PICALM: variants seen among roughly 807,000 people sequenced by gnomAD.
The protein encoded by PICALM is phosphatidylinositol-binding clathrin assembly protein.
A neutral mutation model predicts 80.5 loss-of-function variants in PICALM; 40 were observed. That is an observed-to-expected ratio of 0.50 (90% CI 0.39 to 0.65). PICALM has a LOEUF of 0.65. Ranked by LOEUF, PICALM falls within the 30% of genes least tolerant of loss-of-function variation. The pLI is 0.00. For missense variants in PICALM, 676 were observed against 778.9 expected (o/e 0.87, Z 1.57); for synonymous variants, 288 against 260.3 (o/e 1.11, Z -1.02).
chr11:86,052,819 C>T (rs1022021788), intron 1 of PICALM, among the ~76,000 whole-genome samples: 4 of 152,270 alleles, frequency 2.6e-5, no homozygotes, highest in Admixed American at 1.3e-4. Flanking sequence ...ACAATTGCTC[C>T]GACTGTATTT....
intron 13 of PICALM, 105 bp downstream of exon 13, chr11:85,990,145 A>G: frequency 3.4e-6 from 2 of 582,208 alleles, no homozygotes. Context: ...TGATATTAAA[A>G]TCTAAAGTAA....
rs488134 is a variant in PICALM, at chr11:85,990,579, T to C, written c.1259-180A>G. 0.82 allele frequency among the ~76,000 whole-genome samples: 125,415 copies of C among 152,174 alleles called. 51,950 individuals are homozygous for C. Among genetic ancestry groups the C allele is most frequent in the African/African-American group, 0.91 (37,669 of 41,516 alleles). ...ATCAAGATAGAAGAATTGCATTTAA[T>C]ATATTTTTAAGTGAATCCTTAGAAA... is the stretch of plus-strand genomic sequence containing the variant. On this transcript the variant is annotated intron_variant, in intron 12 of 19. Coordinates refer to ENST00000393346, the MANE Select transcript of PICALM (RefSeq NM_007166.4).
chr11:86,067,058 A>G (rs2096457898), intron 1 of PICALM, among the ~76,000 whole-genome samples: 1 of 152,250 alleles, frequency 6.6e-6, no homozygotes, highest in Admixed American at 6.5e-5. Flanking sequence ...TTTTTTATTT[A>G]AAACTTTTTT....
intron 11 of PICALM, among the ~76,000 whole-genome samples, chr11:86,000,269 T>G (rs1050190897): frequency 6.6e-6 from 1 of 152,208 alleles, no homozygotes; most frequent in Non-Finnish European, 1.5e-5. Context: ...ACGTTTAATA[T>G]CTAATGAAAT....
At chr11:86,067,611 TA>T (rs1438633273) in intron 1 of PICALM, among the ~76,000 whole-genome samples, 6 of 152,188 alleles carry the variant, frequency 3.9e-5, no homozygotes, top group Admixed American at 2.0e-4. Flanking sequence ...CTGGCATAAT[TA>T]AAACATCCAA....
intron 18 of PICALM, among the ~76,000 whole-genome samples, chr11:85,976,171 G>C (rs1168114409): frequency 3.3e-5 from 5 of 152,120 alleles, no homozygotes; most frequent in Non-Finnish European, 7.4e-5. Context: ...GTGGCATTTT[G>C]AAAGGTTAAA....
intron 17 of PICALM, chr11:85,978,808 T>C (rs2094354797): frequency 6.6e-6 from 1 of 152,212 alleles, no homozygotes; most frequent in South Asian, 2.1e-4. Context: ...GTGCTATCTA[T>C]GAACTCCTAA....
chr11:86,018,751 T>C (rs916866937), intron 4 of PICALM, among the ~76,000 whole-genome samples: 1 of 152,072 alleles, frequency 6.6e-6, no homozygotes, highest in African/African-American at 2.4e-5. Context: ...TAGCTGGGCA[T>C]TGTGGCGGGC....
intron 1 of PICALM, among the ~76,000 whole-genome samples, chr11:86,057,268 G>T (rs1200856370): frequency 6.6e-6 from 1 of 152,198 alleles, no homozygotes; most frequent in African/African-American, 2.4e-5. Flanking sequence ...GCCAGGCGCG[G>T]TGGCTCACGC....
chr11:85,984,387 T>C (rs2094522186), intron 13 of PICALM, among the ~76,000 whole-genome samples: 1 of 152,150 alleles, frequency 6.6e-6, no homozygotes, highest in African/African-American at 2.4e-5. Flanking sequence ...AAACTTCTAG[T>C]AGCCCCAAGA....
In PICALM at chr11:86,068,726, C is replaced by A; in HGVS notation, c.55G>T (p.Gly19Cys). 6.2e-7 allele frequency: 1 copy of A among 1,613,084 alleles called. No homozygotes were observed. The highest frequency in any genetic ancestry group is 8.5e-7 in the Non-Finnish European group (1 of 1,179,798). ...CATACTGTCTTGGATACGGCAGAGC[C>A]GGTGACACTGTGCTGGGCGGCAGTG... is the stretch of plus-strand genomic sequence containing the variant. ...RITAAQHSVTGSAVSKTVCKA... is the reference protein window; with the variant it reads ...RITAAQHSVTCSAVSKTVCKA... The change falls in exon 1 of 20, where the codon GGC becomes TGC. Residue 19 changes from glycine (G) to cysteine (C), a missense_variant. By Grantham distance (159) the Gly-to-Cys change is radical. This residue lies in a region of PICALM where 285 missense variants were observed against 395.4 expected (regional missense o/e 0.72). Coordinates refer to ENST00000393346, the MANE Select transcript of PICALM (RefSeq NM_007166.4).
intron 1 of PICALM, among the ~76,000 whole-genome samples, chr11:86,038,537 C>G (rs11234522): frequency 0.029 from 4,357 of 151,902 alleles, 220 homozygotes; most frequent in African/African-American, 0.1. Context: ...AATCCCAGCA[C>G]TTTGGGAGAC....
intron 19 of PICALM, among the ~76,000 whole-genome samples, chr11:85,965,849 C>A (rs962370084): frequency 1.6e-5 from 2 of 125,346 alleles, no homozygotes; most frequent in Non-Finnish European, 1.6e-5. Context: ...GAGACAGACT[C>A]TCTGTCGCCC....
intron 19 of PICALM, among the ~76,000 whole-genome samples, chr11:85,970,245 A>G (rs1450311678): frequency 6.6e-6 from 1 of 152,194 alleles, no homozygotes; most frequent in Non-Finnish European, 1.5e-5. Flanking sequence ...CAGAATAAGG[A>G]AAAGAATTCC....
At chr11:86,031,264 T>C (rs770863235) in intron 2 of PICALM, among the ~76,000 whole-genome samples, 6 of 152,220 alleles carry the variant, frequency 3.9e-5, no homozygotes, top group Non-Finnish European at 8.8e-5. Flanking sequence ...TCTTGATCCA[T>C]TATTGATGTC....
chr11:86,058,738 A>C lies in PICALM; in HGVS notation c.130+9913T>G, dbSNP rs149322152. Among the ~76,000 whole-genome samples, 487 of 152,222 alleles carry C rather than the reference A, an allele frequency of 3.2e-3. 4 individuals carry two copies. The highest frequency in any genetic ancestry group is 0.011 in the South Asian group (51 of 4,826). On this transcript the variant is annotated intron_variant, in intron 1 of 19. Coordinates refer to ENST00000393346, the MANE Select transcript of PICALM (RefSeq NM_007166.4). ...TGATATCATCTGTTAAGTGTGCTTT[A>C]TCCCTTCTTATATCAAAAATGAGTC...
At position 85,957,212 on chromosome 11, in the gene PICALM, A is replaced by G. The variant is rs2093562191; in HGVS notation, c.*1834T>C. 6.6e-6 allele frequency among the ~76,000 whole-genome samples: 1 copy of G among 152,172 alleles called. No individual in the cohort carries two copies. The highest frequency in any genetic ancestry group is 2.1e-4 in the South Asian group (1 of 4,832). On this transcript the variant is annotated 3_prime_UTR_variant, in exon 20 of 20. Transcript: ENST00000393346. ...TGGTTTAATAATACTGAAACTTAAA[A>G]GCTGATAAAATTTATTGGCTACGAC...
chr11:86,064,891 T>A (rs1320292704), intron 1 of PICALM, among the ~76,000 whole-genome samples: 1 of 151,628 alleles, frequency 6.6e-6, no homozygotes, highest in Non-Finnish European at 1.5e-5. Flanking sequence ...CTGGGCCACA[T>A]AGGGAGACCC....
chr11:85,983,251 T>C (rs756329650), intron 14 of PICALM, among the ~76,000 whole-genome samples: 2 of 152,130 alleles, frequency 1.3e-5, no homozygotes, highest in African/African-American at 4.8e-5. Flanking sequence ...GAATTATGAG[T>C]GTCAAAGTTT....
Sources: gnomAD v4.1 joint callset for allele counts (sites outside exome capture counted in the v4.1 genomes callset) on GRCh38, gnomAD v4.1.1 for gene constraint, gnomAD v4.1.1 regional missense constraint, MANE v1.5 for transcripts, NCBI Gene and HGNC (gene_info 2026-07-23, HGNC 2026-07-21) for gene names.